The following RBM34 variants were observed in gnomAD, a reference collection of about 807,000 sequenced individuals.
RBM34 encodes the protein RNA binding motif protein 34.
RBM34 carries 39 observed loss-of-function variants against 44.6 expected under a neutral mutation model. The observed-to-expected ratio is 0.87, with a 90% CI of 0.68 to 1.14. The LOEUF is 1.14. Among genes scored for constraint, RBM34 ranks in the 50% most tolerant of loss-of-function variants. The probability of loss-of-function intolerance (pLI) is 0.00; values close to 1 mark genes in which losing one functional copy is unlikely to be tolerated. For synonymous variants in RBM34, 194 were observed against 184.0 expected (o/e 1.05, Z -0.44); for missense variants, 572 against 517.9 (o/e 1.10, Z -1.01).
chr1:235,144,363 G>T (rs1302394450), intron 6 of RBM34, among the ~76,000 whole-genome samples: 1 of 152,094 alleles, frequency 6.6e-6, no homozygotes, highest in East Asian at 1.9e-4. Context: ...ATTGCAGAGG[G>T]TTAGAAGAAA....
chr1:235,152,614 T>C, intron 5 of RBM34, 92 bp downstream of exon 5: 1 of 1,550,194 alleles, frequency 6.5e-7, no homozygotes, highest in South Asian at 1.2e-5. Flanking sequence ...AAGGTTAAAG[T>C]GCTTCACCAT....
At chr1:235,157,504 G>T (rs565768903) in intron 3 of RBM34, among the ~76,000 whole-genome samples, 1 of 152,146 alleles carries the variant, frequency 6.6e-6, no homozygotes, top group African/African-American at 2.4e-5. Flanking sequence ...TTACCTGGTG[G>T]TACATATGGA....
At chr1:235,157,484 T>C (rs1441732896) in intron 3 of RBM34, among the ~76,000 whole-genome samples, 1 of 151,992 alleles carries the variant, frequency 6.6e-6, no homozygotes, top group African/African-American at 2.4e-5. Context: ...GAGCTCCCAG[T>C]GGAGCATTCT....
chr1:235,147,379 G>C lies in RBM34; in HGVS notation c.701+1025C>G, dbSNP rs372344246. ...TGTACATACACCTGTCAGAACCTCT[G>C]TTTCTGTTCAAATTTAGGCTCCTGG... is the stretch of plus-strand genomic sequence containing the variant. On this transcript the variant is annotated intron_variant, in intron 6 of 10. Coordinates refer to ENST00000408888, the MANE Select transcript of RBM34 (RefSeq NM_015014.4). Among the ~76,000 whole-genome samples the C allele has an allele frequency of 1.5e-3, 231 of 152,314 alleles. 1 individual carries two copies. Among genetic ancestry groups the C allele is most frequent in the African/African-American group, 5.4e-3 (226 of 41,568 alleles).
At chr1:235,142,962 A>C (rs1572151813) in intron 6 of RBM34, among the ~76,000 whole-genome samples, 1 of 151,718 alleles carries the variant, frequency 6.6e-6, no homozygotes, top group Admixed American at 6.6e-5. Context: ...CCTCTAAAAA[A>C]GCCAGCCACA....
chr1:235,149,330 A>T (rs1176425537), intron 5 of RBM34, among the ~76,000 whole-genome samples: 1 of 148,746 alleles, frequency 6.7e-6, no homozygotes, highest in Non-Finnish European at 1.5e-5. Context: ...CGGAGCTTGC[A>T]GTGAGCCCAG....
At chr1:235,149,738 A>C (rs1219935993) in intron 5 of RBM34, among the ~76,000 whole-genome samples, 1 of 152,220 alleles carries the variant, frequency 6.6e-6, no homozygotes, top group Non-Finnish European at 1.5e-5. Flanking sequence ...CCAGGTACTG[A>C]GAAGATCAAG....
At position 235,136,200 on chromosome 1, in the gene RBM34, T is replaced by C. The variant is rs796232118; in HGVS notation, c.850-127A>G. ...ACCCATCTTCTAATTTAACCACACA[T>C]CATGTTCTTTGATTCTGTTTCTTCT... On this transcript the variant is annotated intron_variant, in intron 8 of 10. Transcript: ENST00000408888. 2.0e-5 allele frequency: 15 copies of C among 745,112 alleles called. No homozygotes were observed. The African/African-American group carries it at 2.5e-4, about 12-fold the overall frequency. The allele number at this position is 745,112 out of a possible 1,614,324, so 46.2% of individuals were successfully genotyped here.
chr1:235,148,498 C>G lies in RBM34; in HGVS notation c.658-51G>C, dbSNP rs371414041. On this transcript the variant is annotated intron_variant, in intron 5 of 10. Transcript: ENST00000408888. ...AAAGACAGTATTTGAAGTATTACCT[C>G]AAATTAATATTTTAAGTGAAGTCTA... is the stretch of plus-strand genomic sequence containing the variant. 4.9e-5 allele frequency: 68 copies of G among 1,389,774 alleles called. No homozygotes were observed. The African/African-American group carries it at 9.5e-4, about 19-fold the overall frequency. 86.1% of individuals were successfully genotyped at this position (1,389,774 alleles called of 1,614,324 possible). A position where few individuals can be genotyped will look rare whatever the true frequency, so the allele number is the denominator to read the frequency against.
chr1:235,132,059 A>T, intron 10 of RBM34, 62 bp from the exon 11 acceptor site: 2 of 1,440,194 alleles, frequency 1.4e-6, no homozygotes, highest in East Asian at 4.6e-5. Flanking sequence ...GAAACTAGTG[A>T]AAGTGTCACT....
chr1:235,135,101 G>A (rs1486881622), intron 10 of RBM34, among the ~76,000 whole-genome samples: 1 of 143,832 alleles, frequency 7.0e-6, no homozygotes, highest in Admixed American at 6.8e-5. Flanking sequence ...CTGGAGTGCA[G>A]TGGTGTGATC....
In RBM34 at chr1:235,135,743, T is replaced by C. The variant is rs931270824; in HGVS notation, c.917A>G (p.His306Arg). Residue 306 changes from histidine to arginine, a missense_variant, in exon 10 of 11, where the codon CAC becomes CGC. Transcript: ENST00000408888. ...CATGATACTTCCACAGTCCAGAAAG[T>C]GCTTCTCAATGGCAGATTCTTCAAC... ...YKVEESAIEK[H>R]FLDCGSIMAV... 6.2e-7 allele frequency: 1 copy of C among 1,614,158 alleles called. No homozygotes were observed. The highest frequency in any genetic ancestry group is 1.1e-5 in the South Asian group (1 of 91,072).
chr1:235,160,885 T>G lies in RBM34; in HGVS notation c.228+8A>C, dbSNP rs1362609801. Reference sequence around the variant, plus strand: ...CGAGCTATTCGGGAAGAAAGCCCAGTGACTTACTTTAGGCACAGGCACGTA... The same window carrying G: ...CGAGCTATTCGGGAAGAAAGCCCAGGGACTTACTTTAGGCACAGGCACGTA... On this transcript the variant is annotated splice_region_variant and intron_variant, in intron 2 of 10. Transcript: ENST00000408888. 6.2e-7 allele frequency: 1 copy of G among 1,613,216 alleles called. No individual in the cohort carries two copies. The highest frequency in any genetic ancestry group is 2.2e-5 in the East Asian group (1 of 44,852).
chr1:235,139,431 T>C (rs74484054), intron 6 of RBM34, among the ~76,000 whole-genome samples: 2 of 152,218 alleles, frequency 1.3e-5, no homozygotes, highest in African/African-American at 4.8e-5. Context: ...GTGTTTTTTT[T>C]CTGATTTTAT....
chr1:235,135,813 C>T, intron 9 of RBM34, 43 bp from the exon 10 acceptor site: 1 of 1,532,418 alleles, frequency 6.5e-7, no homozygotes, highest in Non-Finnish European at 9.0e-7. Context: ...GAGTTGGGAG[C>T]CCCTCAGAAA....
At chr1:235,144,036 G>A (rs1244014321) in intron 6 of RBM34, among the ~76,000 whole-genome samples, 1 of 152,026 alleles carries the variant, frequency 6.6e-6, no homozygotes. Context: ...AATCAGCCGG[G>A]TGTGGTGGCG....
intron 6 of RBM34, among the ~76,000 whole-genome samples, chr1:235,144,948 C>A (rs1243639220): frequency 6.6e-6 from 1 of 152,146 alleles, no homozygotes; most frequent in East Asian, 1.9e-4. Context: ...TAGGCTGAGG[C>A]AGGAGAATCA....
chr1:235,159,352 C>A (rs1662591280), intron 3 of RBM34, among the ~76,000 whole-genome samples: 1 of 151,874 alleles, frequency 6.6e-6, no homozygotes, highest in Admixed American at 6.6e-5. Flanking sequence ...GAGTTCGAGA[C>A]CAGACTGGTC....
At chr1:235,154,072 C>T (rs1196515824) in intron 4 of RBM34, among the ~76,000 whole-genome samples, 2 of 152,022 alleles carry the variant, frequency 1.3e-5, no homozygotes, top group Non-Finnish European at 2.9e-5. Context: ...CAGTGAAACC[C>T]CGTCTCTACT....
Sources: allele counts gnomAD v4.1 joint callset (sites outside exome capture counted in the v4.1 genomes callset), GRCh38; gene constraint gnomAD v4.1.1; transcripts MANE v1.5; gene names NCBI Gene and HGNC (gene_info 2026-07-23, HGNC 2026-07-21).